MACROD2: variants seen among roughly 807,000 people sequenced by gnomAD.
MACROD2 encodes the protein mono-ADP ribosylhydrolase 2, also known as ADP-ribose glycohydrolase MACROD2.
MACROD2 carries 36 observed loss-of-function variants against 70.4 expected under a neutral mutation model. The observed-to-expected ratio is 0.51, with a 90% CI of 0.39 to 0.68. The LOEUF is 0.68. Among genes scored for constraint, MACROD2 ranks in the 30% least tolerant of loss-of-function variants. MACROD2 has a pLI of 0.00. For missense variants in MACROD2, 496 were observed against 538.4 expected, an observed-to-expected ratio of 0.92 and a Z score of 0.78; for synonymous variants, 172 against 178.8, an observed-to-expected ratio of 0.96 and a Z score of 0.30.
At chr20:15,683,350 CT>C (rs1230016926) in intron 8 of MACROD2, among the ~76,000 whole-genome samples, 1 of 151,970 alleles carries the variant, frequency 6.6e-6, no homozygotes, top group South Asian at 2.1e-4. Context: ...TTCAATCTCT[CT>C]TTTTTTTGAC....
chr20:14,853,156 A>AGTGT (rs1264837181), intron 5 of MACROD2, among the ~76,000 whole-genome samples: 5 of 92,170 alleles, frequency 5.4e-5, no homozygotes, highest in Non-Finnish European at 2.6e-5. Flanking sequence ...AGGTGTGAAC[A>AGTGT]GTGTGTGTGT....
At chr20:15,133,175 T>C (rs765704700) in intron 5 of MACROD2, among the ~76,000 whole-genome samples, 38 of 152,004 alleles carry the variant, frequency 2.5e-4, no homozygotes, top group Admixed American at 5.9e-4. Flanking sequence ...ACTCAAAATT[T>C]ATAAAGAAAA....
intron 5 of MACROD2, among the ~76,000 whole-genome samples, chr20:14,861,457 C>A (rs1199817749): frequency 6.6e-6 from 1 of 151,994 alleles, no homozygotes; most frequent in Non-Finnish European, 1.5e-5. Flanking sequence ...GAGACAGTGG[C>A]AAAGCTAGGA....
intron 5 of MACROD2, among the ~76,000 whole-genome samples, chr20:14,842,826 C>T (rs407097): frequency 0.57 from 86,879 of 151,854 alleles, 26,187 homozygotes; most frequent in Non-Finnish European, 0.67. Context: ...AGTGAAACAA[C>T]AGAGTCCAAT....
At chr20:14,543,435 T>G (rs1489133443) in intron 4 of MACROD2, among the ~76,000 whole-genome samples, 1 of 152,238 alleles carries the variant, frequency 6.6e-6, no homozygotes, top group Non-Finnish European at 1.5e-5. Context: ...TGAATTAATT[T>G]TAACTGGTTA....
At chr20:14,496,094 C>A (rs1279309055) in intron 4 of MACROD2, among the ~76,000 whole-genome samples, 1 of 152,158 alleles carries the variant, frequency 6.6e-6, no homozygotes, top group Non-Finnish European at 1.5e-5. Flanking sequence ...TATGACAAAT[C>A]TTTTTAATCC....
chr20:14,363,071 A>G (rs1032994215), intron 3 of MACROD2, among the ~76,000 whole-genome samples: 2 of 152,080 alleles, frequency 1.3e-5, no homozygotes, highest in Admixed American at 1.3e-4. Flanking sequence ...AGCCCTGAAG[A>G]CTCATATCAC....
chr20:14,438,586 T>G (rs1188206748), intron 3 of MACROD2, among the ~76,000 whole-genome samples: 1 of 152,208 alleles, frequency 6.6e-6, no homozygotes, highest in African/African-American at 2.4e-5. Context: ...TAGCTCTTGT[T>G]TTTTGATAAC....
chr20:14,471,384 C>T (rs907600950), intron 3 of MACROD2, among the ~76,000 whole-genome samples: 1 of 152,150 alleles, frequency 6.6e-6, no homozygotes, highest in Non-Finnish European at 1.5e-5. Context: ...CTTGCCAGCC[C>T]TTTCTGATAG....
At position 16,044,622 on chromosome 20, in the gene MACROD2, A is replaced by G; in HGVS notation, c.1283A>G (p.Gln428Arg). The change falls in exon 17 of 18, where the codon CAA becomes CGA. Residue 428 changes from glutamine to arginine, a missense_variant. By Grantham distance (43) the Gln-to-Arg change is conservative (BLOSUM62 1). Transcript: ENST00000684519. ...GTAAATGACCCAACAGAGAGTCAAC[A>G]AGAAGATCAACTAATAGGTAAGATG... Reference protein sequence around the residue: ...DKVNDPTESQQEDQLIAGAQD... With the variant: ...DKVNDPTESQREDQLIAGAQD... 1 of 1,612,992 alleles carries G rather than the reference A, an allele frequency of 6.2e-7. No individual in the cohort carries two copies. The highest frequency in any genetic ancestry group is 8.5e-7 in the Non-Finnish European group (1 of 1,179,312).
At chr20:15,950,614 C>A (rs2065890908) in intron 12 of MACROD2, among the ~76,000 whole-genome samples, 2 of 152,088 alleles carry the variant, frequency 1.3e-5, no homozygotes, top group Admixed American at 1.3e-4. Flanking sequence ...TTTGACTGGG[C>A]AAAAATGCTG....
intron 13 of MACROD2, among the ~76,000 whole-genome samples, chr20:15,982,356 T>C (rs2066414005): frequency 6.6e-6 from 1 of 152,176 alleles, no homozygotes; most frequent in South Asian, 2.1e-4. Flanking sequence ...ATGTATATAC[T>C]GGGAACAGTT....
chr20:15,653,351 T>C (rs1365356391), intron 8 of MACROD2, among the ~76,000 whole-genome samples: 1 of 152,222 alleles, frequency 6.6e-6, no homozygotes, highest in African/African-American at 2.4e-5. Context: ...GAAAAATATA[T>C]GGACATGTGA....
At position 15,329,664 on chromosome 20, in the gene MACROD2, A is replaced by G. The variant is rs114813162; in HGVS notation, c.540+99603A>G. ...AACAAAATCTTGAAGTGAATTCACA[A>G]ATTTTTCAGATGTGTGTTTAAATAC... On this transcript the variant is annotated intron_variant, in intron 6 of 17. Coordinates refer to ENST00000684519, the MANE Select transcript of MACROD2 (RefSeq NM_001351661.2). Among the ~76,000 whole-genome samples, 591 of 152,206 alleles carry G rather than the reference A, an allele frequency of 3.9e-3. 7 individuals carry two copies. Among genetic ancestry groups the G allele is most frequent in the African/African-American group, 0.014 (572 of 41,544 alleles).
At chr20:15,398,770 G>A (rs2045892910) in intron 6 of MACROD2, among the ~76,000 whole-genome samples, 1 of 152,140 alleles carries the variant, frequency 6.6e-6, no homozygotes, top group Non-Finnish European at 1.5e-5. Flanking sequence ...CTGTGTTCAA[G>A]CCATCCATGT....
chr20:14,129,951 T>C (rs1459013738), intron 3 of MACROD2, among the ~76,000 whole-genome samples: 2 of 152,220 alleles, frequency 1.3e-5, no homozygotes, highest in East Asian at 3.8e-4. Flanking sequence ...AAAAAATTTG[T>C]GTGACTCGCT....
At chr20:14,105,118 C>T (rs2054351706) in intron 3 of MACROD2, among the ~76,000 whole-genome samples, 1 of 152,140 alleles carries the variant, frequency 6.6e-6, no homozygotes, top group Admixed American at 6.6e-5. Context: ...TAGAAGCCCA[C>T]ACCATTTGTC....
At chr20:15,940,517 TA>T (rs2065736568) in intron 12 of MACROD2, among the ~76,000 whole-genome samples, 1 of 152,204 alleles carries the variant, frequency 6.6e-6, no homozygotes, top group African/African-American at 2.4e-5. Flanking sequence ...ATCACTGTCT[TA>T]TTTTAATAAA....
intron 3 of MACROD2, among the ~76,000 whole-genome samples, chr20:14,359,778 C>T (rs939503961): frequency 1.2e-4 from 18 of 152,258 alleles, no homozygotes; most frequent in Admixed American, 1.2e-3. Context: ...GGGAGGATCA[C>T]TTGAGCCTGG....
Sources: allele counts gnomAD v4.1 joint callset (sites outside exome capture counted in the v4.1 genomes callset), GRCh38; gene constraint gnomAD v4.1.1; transcripts MANE v1.5; gene names NCBI Gene and HGNC (gene_info 2026-07-23, HGNC 2026-07-21).